CNTNAP2: variants seen among roughly 807,000 people sequenced by gnomAD.
CNTNAP2 encodes the protein contactin-associated protein-like 2.
CNTNAP2 carries 98 observed loss-of-function variants against 155.2 expected under a neutral mutation model. That is an observed-to-expected ratio of 0.63 (90% CI 0.54 to 0.75). The LOEUF (loss-of-function observed/expected upper bound fraction) is 0.75. Ranked by LOEUF, CNTNAP2 falls within the 30% of genes least tolerant of loss-of-function variation. The pLI, the probability that CNTNAP2 is intolerant of heterozygous loss-of-function variation, is 0.00. For missense variants in CNTNAP2, 1,727 were observed against 1,688.1 expected (o/e 1.02, Z -0.40); for synonymous variants, 651 against 631.2 (o/e 1.03, Z -0.47).
At chr7:146,648,292 A>C (rs560391051) in intron 1 of CNTNAP2, among the ~76,000 whole-genome samples, 2 of 152,292 alleles carry the variant, frequency 1.3e-5, no homozygotes, top group South Asian at 4.2e-4. Context: ...ATAGGGGGTG[A>C]GAAAACATGA....
intron 1 of CNTNAP2, among the ~76,000 whole-genome samples, chr7:146,574,129 T>C (rs1196694437): frequency 6.6e-6 from 1 of 152,164 alleles, no homozygotes; most frequent in African/African-American, 2.4e-5. Context: ...CATGTCTAAA[T>C]GTCATTCCAA....
chr7:147,970,937 C>T (rs1801321717), intron 14 of CNTNAP2, among the ~76,000 whole-genome samples: 1 of 152,132 alleles, frequency 6.6e-6, no homozygotes, highest in Non-Finnish European at 1.5e-5. Context: ...ATTTAAATAT[C>T]TTGACTCTTG....
chr7:147,003,142 AAAAGGCAAATT>A (rs985405551), intron 3 of CNTNAP2, among the ~76,000 whole-genome samples: 71 of 152,076 alleles, frequency 4.7e-4, no homozygotes, highest in African/African-American at 1.6e-3. Flanking sequence ...AGTGCTACAT[AAAAGGCAAATT>A]AAATTCTGAG....
intron 12 of CNTNAP2, among the ~76,000 whole-genome samples, chr7:147,570,189 A>T (rs1800260323): frequency 6.6e-6 from 1 of 152,106 alleles, no homozygotes; most frequent in African/African-American, 2.4e-5. Context: ...TTTCCATGTA[A>T]AGAAGCCCGG....
intron 13 of CNTNAP2, among the ~76,000 whole-genome samples, chr7:147,705,009 C>T (rs555771136): frequency 6.6e-6 from 1 of 152,062 alleles, no homozygotes; most frequent in East Asian, 1.9e-4. Flanking sequence ...TTTTAAAAAA[C>T]CAACTTTTCA....
At chr7:147,810,691 A>G (rs1798165395) in intron 13 of CNTNAP2, among the ~76,000 whole-genome samples, 1 of 152,248 alleles carries the variant, frequency 6.6e-6, no homozygotes, top group South Asian at 2.1e-4. Flanking sequence ...CACTAAAATC[A>G]AAAGTTGTTA....
At chr7:146,416,585 T>A (rs895565389) in intron 1 of CNTNAP2, among the ~76,000 whole-genome samples, 2 of 152,114 alleles carry the variant, frequency 1.3e-5, no homozygotes, top group African/African-American at 2.4e-5. Flanking sequence ...TTTAATTTTT[T>A]AAAAATATGC....
chr7:148,290,474 G>A (rs573820527), intron 21 of CNTNAP2, among the ~76,000 whole-genome samples: 36 of 152,278 alleles, frequency 2.4e-4, no homozygotes, highest in African/African-American at 4.6e-4. Flanking sequence ...TTTGAAAGCT[G>A]CCTTTGTTTT....
intron 21 of CNTNAP2, among the ~76,000 whole-genome samples, chr7:148,295,644 A>C: frequency 7.2e-6 from 1 of 138,744 alleles, no homozygotes; most frequent in South Asian, 2.4e-4. Context: ...GGTGCCCGCC[A>C]CCGCGCCTGG....
intron 13 of CNTNAP2, among the ~76,000 whole-genome samples, chr7:147,786,720 C>T (rs577754219): frequency 1.3e-5 from 2 of 152,276 alleles, no homozygotes; most frequent in South Asian, 4.2e-4. Context: ...GTAATCACAA[C>T]ACTTTGGGAG....
At chr7:147,332,516 C>T (rs1276144641) in intron 9 of CNTNAP2, among the ~76,000 whole-genome samples, 1 of 151,988 alleles carries the variant, frequency 6.6e-6, no homozygotes, top group Admixed American at 6.6e-5. Flanking sequence ...TTAGCAGGGC[C>T]TCCTGGGAAG....
At chr7:148,294,983 T>G (rs1797255739) in intron 21 of CNTNAP2, among the ~76,000 whole-genome samples, 1 of 152,208 alleles carries the variant, frequency 6.6e-6, no homozygotes, top group African/African-American at 2.4e-5. Context: ...ACTAATTAAC[T>G]TCACCATTTG....
chr7:146,608,267 A>T (rs1489194442), intron 1 of CNTNAP2, among the ~76,000 whole-genome samples: 1 of 152,226 alleles, frequency 6.6e-6, no homozygotes, highest in Non-Finnish European at 1.5e-5. Context: ...AAACTCTTTA[A>T]GGCCAAGGCA....
intron 8 of CNTNAP2, among the ~76,000 whole-genome samples, chr7:147,141,682 C>A (rs991454705): frequency 3.3e-5 from 5 of 152,092 alleles, no homozygotes; most frequent in Non-Finnish European, 7.4e-5. Context: ...CTCTCATATT[C>A]ATGAAACACT....
chr7:146,197,724 C>G (rs919158727), intron 1 of CNTNAP2, among the ~76,000 whole-genome samples: 4 of 152,030 alleles, frequency 2.6e-5, no homozygotes, highest in Admixed American at 6.5e-5. Flanking sequence ...GACTTCATTT[C>G]TTTTTTCCAG....
At chr7:147,931,254 A>G (rs1245696562) in intron 14 of CNTNAP2, among the ~76,000 whole-genome samples, 1 of 151,402 alleles carries the variant, frequency 6.6e-6, no homozygotes, top group Non-Finnish European at 1.5e-5. Flanking sequence ...AAAAAGATAA[A>G]CAAAATTGAC....
chr7:146,808,244 A>T (rs1006002417), intron 2 of CNTNAP2, among the ~76,000 whole-genome samples: 33 of 152,214 alleles, frequency 2.2e-4, no homozygotes, highest in Admixed American at 2.2e-3. Flanking sequence ...CCCAAAGACA[A>T]TAGCATTATA....
chr7:148,365,271 A>G (rs1399004767), intron 21 of CNTNAP2, among the ~76,000 whole-genome samples: 1 of 152,218 alleles, frequency 6.6e-6, no homozygotes, highest in Non-Finnish European at 1.5e-5. Flanking sequence ...CTTTAAGCAA[A>G]GGACAGACAT....
chr7:146,903,609 C>A (rs1796050853), intron 3 of CNTNAP2, among the ~76,000 whole-genome samples: 1 of 152,186 alleles, frequency 6.6e-6, no homozygotes, highest in African/African-American at 2.4e-5. Context: ...GATCTGACCT[C>A]TCTCTATCCT....
Sources: allele counts gnomAD v4.1 joint callset (sites outside exome capture counted in the v4.1 genomes callset), GRCh38; gene constraint gnomAD v4.1.1; transcripts MANE v1.5; gene names NCBI Gene and HGNC (gene_info 2026-07-23, HGNC 2026-07-21).